The following TSPAN19 variants were observed in gnomAD, a reference collection of about 807,000 sequenced individuals.
TSPAN19 encodes the protein tetraspanin-19.
Under a neutral mutation model 35.1 loss-of-function variants are expected in TSPAN19, and 44 were observed. The observed-to-expected ratio is 1.25, with a 90% CI of 0.98 to 1.61. TSPAN19 has a LOEUF of 1.61. Among genes scored for constraint, TSPAN19 ranks in the 40% most tolerant of loss-of-function variants. The pLI, the probability that TSPAN19 is intolerant of heterozygous loss-of-function variation, is 0.00. For missense variants in TSPAN19, 290 were observed against 280.0 expected, an observed-to-expected ratio of 1.04 and a Z score of -0.26; for synonymous variants, 79 against 92.0, an observed-to-expected ratio of 0.86 and a Z score of 0.81.
chr12:85,020,941 A>G (rs986356093), intron 5 of TSPAN19, among the ~76,000 whole-genome samples: 7 of 152,040 alleles, frequency 4.6e-5, no homozygotes, highest in Non-Finnish European at 1.0e-4. Flanking sequence ...CTTGTGATGA[A>G]TGAGATATAA....
intron 3 of TSPAN19, among the ~76,000 whole-genome samples, chr12:85,028,605 C>T (rs144589394): frequency 6.6e-6 from 1 of 152,062 alleles, no homozygotes; most frequent in East Asian, 1.9e-4. Context: ...AAAAGAAGGA[C>T]GGATAAATAA....
Position 85,019,747 on chromosome 12 carries a change from T to G in TSPAN19, c.340-11A>C. ...CCATAGTTGCTGAACCTGTAGAAAA[T>G]TGTATTAAAAATGAAAATTTCATAG... is the stretch of plus-strand genomic sequence containing the variant. On this transcript the variant is annotated splice_polypyrimidine_tract_variant and intron_variant, in intron 5 of 8. Transcript: ENST00000532498. 6.6e-7 allele frequency: 1 copy of G among 1,525,380 alleles called. No individual in the cohort carries two copies. Among genetic ancestry groups the G allele is most frequent in the Non-Finnish European group, 8.9e-7 (1 of 1,121,666 alleles). The allele number at this position is 1,525,380 out of a possible 1,614,324, so 94.5% of individuals were successfully genotyped here. A position where few individuals can be genotyped will look rare whatever the true frequency, so the allele number is the denominator to read the frequency against.
intron 3 of TSPAN19, among the ~76,000 whole-genome samples, chr12:85,028,883 G>A (rs574827266): frequency 7.9e-5 from 12 of 152,274 alleles, no homozygotes; most frequent in Non-Finnish European, 1.6e-4. Context: ...AAACCAGTTG[G>A]GGGAGAAGGT....
chr12:85,029,114 C>T (rs1314352568), intron 3 of TSPAN19, among the ~76,000 whole-genome samples: 1 of 152,048 alleles, frequency 6.6e-6, no homozygotes, highest in African/African-American at 2.4e-5. Flanking sequence ...CAGTCTTCTT[C>T]ACTGAAATAA....
intron 1 of TSPAN19, among the ~76,000 whole-genome samples, chr12:85,035,691 T>C (rs910394143): frequency 6.6e-6 from 1 of 152,050 alleles, no homozygotes; most frequent in African/African-American, 2.4e-5. Flanking sequence ...TGTTATTAAT[T>C]AAAATATTAT....
intron 1 of TSPAN19, among the ~76,000 whole-genome samples, chr12:85,035,487 A>G (rs904220597): frequency 5.9e-5 from 9 of 152,100 alleles, no homozygotes; most frequent in African/African-American, 1.9e-4. Context: ...CTCACTTTAT[A>G]TTATTAGTTC....
chr12:85,023,025 A>C (rs1284778251), intron 5 of TSPAN19, among the ~76,000 whole-genome samples: 1 of 152,110 alleles, frequency 6.6e-6, no homozygotes, highest in Non-Finnish European at 1.5e-5. Context: ...TAAGAGGAGA[A>C]GGTAAAAATT....
At chr12:85,016,514 A>G (rs990277184) in intron 7 of TSPAN19, 2 of 152,016 alleles carry the variant, frequency 1.3e-5, no homozygotes. Flanking sequence ...GTTCTTGAAC[A>G]CAGGCACTGT....
At chr12:85,030,848 C>A (rs981342260) in intron 1 of TSPAN19, among the ~76,000 whole-genome samples, 5 of 152,016 alleles carry the variant, frequency 3.3e-5, no homozygotes, top group Non-Finnish European at 7.4e-5. Context: ...AGTATGTTCC[C>A]AGATTTTCTC....
intron 1 of TSPAN19, 71 bp from the exon 2 acceptor site, chr12:85,030,044 T>C (rs1877612195): frequency 3.5e-6 from 4 of 1,158,862 alleles, no homozygotes; most frequent in Non-Finnish European, 4.6e-6. Flanking sequence ...ACTTATGTTC[T>C]TTATTTGCAC....
intron 1 of TSPAN19, among the ~76,000 whole-genome samples, chr12:85,034,748 T>A (rs909902451): frequency 7.9e-5 from 12 of 152,214 alleles, no homozygotes; most frequent in African/African-American, 2.4e-4. Context: ...TTTGATTAGT[T>A]ATATTCTAGC....
intron 3 of TSPAN19, among the ~76,000 whole-genome samples, chr12:85,029,502 C>T (rs1224165167): frequency 6.6e-6 from 1 of 152,028 alleles, no homozygotes; most frequent in East Asian, 1.9e-4. Context: ...CTACAGTCAT[C>T]CTACAGTAGT....
At chr12:85,030,002 A>AGCTTTTGGTATGTATCTATTT in intron 1 of TSPAN19, 29 bp from the exon 2 acceptor site, 1 of 1,340,192 alleles carries the variant, frequency 7.5e-7, no homozygotes, top group East Asian at 2.6e-5. Context: ...CTTTTTAAAC[A>AGCTTTTGGTATGTATCTATTT]TTCTACACAA....
At chr12:85,024,753 G>C (rs907539704) in intron 4 of TSPAN19, 15 of 148,534 alleles carry the variant, frequency 1.0e-4, no homozygotes, top group African/African-American at 3.7e-4. Flanking sequence ...CTCCAGCCTA[G>C]TGACAGAGCG....
In TSPAN19 at chr12:85,019,670, C is replaced by G. The variant is rs753210881; in HGVS notation, c.406G>C (p.Glu136Gln). The stretch of plus-strand genomic sequence containing the variant: ...AGAATAGTCCACTTGGTTATATCTT[C>G]AGGCTTATCTTTAGATCCATACTCA... ...ISEYGSKDKP[E>Q]DITKWTILNA... The change falls in exon 6 of 9, where the codon GAA becomes CAA. Residue 136 changes from glutamate (E) to glutamine (Q), a missense_variant. Glu to Gln is a conservative substitution (Grantham distance 29, BLOSUM62 2). Coordinates refer to ENST00000532498, the MANE Select transcript of TSPAN19 (RefSeq NM_001100917.2). The G allele has an allele frequency of 1.2e-6, 2 of 1,609,988 alleles. No individual in the cohort carries two copies. The highest frequency in any genetic ancestry group is 3.4e-5 in the Admixed American group (2 of 59,344).
chr12:85,024,960 C>T (rs1172846294), intron 4 of TSPAN19, among the ~76,000 whole-genome samples: 2 of 151,562 alleles, frequency 1.3e-5, no homozygotes, highest in African/African-American at 2.4e-5. Flanking sequence ...AAATATCTGA[C>T]CAAAATTTTC....
chr12:85,030,175 A>G (rs7962582), intron 1 of TSPAN19, among the ~76,000 whole-genome samples: 8,497 of 152,198 alleles, frequency 0.056, 808 homozygotes, highest in African/African-American at 0.19. Context: ...GAGTATCTGT[A>G]CTTAAAATAA....
chr12:85,031,986 T>C (rs996105029), intron 1 of TSPAN19, among the ~76,000 whole-genome samples: 1 of 152,126 alleles, frequency 6.6e-6, no homozygotes, highest in African/African-American at 2.4e-5. Context: ...GATTAAGCTT[T>C]AATATGCTTT....
At chr12:85,027,272 A>G (rs781338731) in intron 4 of TSPAN19, among the ~76,000 whole-genome samples, 12 of 152,230 alleles carry the variant, frequency 7.9e-5, no homozygotes, top group Middle Eastern at 3.4e-3. Flanking sequence ...AATGGTAGAC[A>G]CTATTATTAA....
Sources: allele counts gnomAD v4.1 joint callset (sites outside exome capture counted in the v4.1 genomes callset), GRCh38; gene constraint gnomAD v4.1.1; transcripts MANE v1.5; gene names NCBI Gene and HGNC (gene_info 2026-07-23, HGNC 2026-07-21).